The following ELP4 variants were observed in gnomAD, a reference collection of about 807,000 sequenced individuals.
ELP4 encodes the protein elongator complex protein 4.
Under a neutral mutation model 48.9 loss-of-function variants are expected in ELP4, and 51 were observed. The observed-to-expected ratio is 1.04, with a 90% CI of 0.83 to 1.32. The LOEUF is 1.32. ELP4 is among the 40% of genes most tolerant of loss of function. The pLI is 0.00. For missense variants in ELP4, 519 were observed against 514.6 expected, an observed-to-expected ratio of 1.01 and a Z score of -0.08; for synonymous variants, 210 against 189.2, an observed-to-expected ratio of 1.11 and a Z score of -0.90.
intron 2 of ELP4, among the ~76,000 whole-genome samples, chr11:31,524,710 T>A (rs1204261854): frequency 6.6e-6 from 1 of 152,248 alleles, no homozygotes; most frequent in Admixed American, 6.5e-5. Context: ...TAGTATTTCT[T>A]GTCAGTCATC....
chr11:31,630,310 C>G (rs192875271), intron 6 of ELP4, among the ~76,000 whole-genome samples: 117 of 146,624 alleles, frequency 8.0e-4, no homozygotes, highest in African/African-American at 2.9e-3. Context: ...AATTATAGAG[C>G]AACAATGTTA....
At chr11:31,555,011 T>C (rs1313905022) in intron 3 of ELP4, among the ~76,000 whole-genome samples, 2 of 152,150 alleles carry the variant, frequency 1.3e-5, no homozygotes, top group East Asian at 3.8e-4. Context: ...TATTTGCTTT[T>C]AAATAAAGCC....
intron 9 of ELP4, among the ~76,000 whole-genome samples, chr11:31,743,473 C>G (rs887251321): frequency 3.3e-5 from 5 of 152,132 alleles, no homozygotes; most frequent in African/African-American, 1.2e-4. Flanking sequence ...CACACCTACT[C>G]CAAAATTGAC....
At chr11:31,596,149 A>G (rs1957667416) in intron 4 of ELP4, among the ~76,000 whole-genome samples, 3 of 152,186 alleles carry the variant, frequency 2.0e-5, no homozygotes, top group Non-Finnish European at 2.9e-5. Flanking sequence ...TCACGCCTGT[A>G]ATCCCAGCAC....
intron 7 of ELP4, among the ~76,000 whole-genome samples, chr11:31,641,814 A>G (rs1945103866): frequency 6.6e-6 from 1 of 151,822 alleles, no homozygotes; most frequent in Non-Finnish European, 1.5e-5. Context: ...GGATTATTCT[A>G]AGCTGATTTT....
Position 31,790,287 on chromosome 11 carries a change from A to G in ELP4, c.*6763A>G, listed in dbSNP as rs913366567. The G allele has an allele frequency of 6.9e-5, 40 of 577,692 alleles. No homozygotes were observed. The highest frequency in any genetic ancestry group is 9.7e-5 in the Non-Finnish European group (36 of 372,004). 35.8% of individuals were successfully genotyped at this position (577,692 alleles called of 1,614,324 possible). The stretch of plus-strand genomic sequence containing the variant: ...AAAAAAAAATCCTCTGTTTGTTTGC[A>G]TGTTTGGAACTTTTACAATAAAGCT... On this transcript the variant is annotated 3_prime_UTR_variant, in exon 10 of 10. Transcript: ENST00000640961.
intron 9 of ELP4, among the ~76,000 whole-genome samples, chr11:31,744,979 A>G (rs1947548136): frequency 6.6e-6 from 1 of 152,190 alleles, no homozygotes; most frequent in Non-Finnish European, 1.5e-5. Flanking sequence ...ATGATTGTAT[A>G]TCTAGAAAAC....
intron 9 of ELP4, among the ~76,000 whole-genome samples, chr11:31,677,054 A>T (rs1945940215): frequency 6.6e-6 from 1 of 152,250 alleles, no homozygotes; most frequent in African/African-American, 2.4e-5. Flanking sequence ...CATGCAGTAT[A>T]GGCTTAGCTC....
intron 9 of ELP4, among the ~76,000 whole-genome samples, chr11:31,736,751 G>C (rs1274573584): frequency 1.3e-5 from 2 of 152,194 alleles, no homozygotes; most frequent in African/African-American, 4.8e-5. Context: ...GGCCATCAGA[G>C]AAATGCAAAT....
chr11:31,688,829 G>T (rs886475694), intron 9 of ELP4, among the ~76,000 whole-genome samples: 4 of 152,100 alleles, frequency 2.6e-5, no homozygotes, highest in Non-Finnish European at 5.9e-5. Flanking sequence ...AGATTAATTT[G>T]AGCCTACATA....
intron 9 of ELP4, 139 bp from the exon 10 acceptor site, chr11:31,783,254 T>C: frequency 1.4e-6 from 1 of 703,908 alleles, no homozygotes; most frequent in Non-Finnish European, 2.3e-6. Flanking sequence ...GAAGAATTGT[T>C]TTAGCAGGAA....
At chr11:31,709,461 A>G (rs1164882841) in intron 9 of ELP4, among the ~76,000 whole-genome samples, 1 of 152,082 alleles carries the variant, frequency 6.6e-6, no homozygotes, top group Non-Finnish European at 1.5e-5. Context: ...AGTATGTGGA[A>G]AGCATTGTTT....
chr11:31,715,050 G>T, intron 9 of ELP4: 1 of 363,940 alleles, frequency 2.7e-6, no homozygotes, highest in Non-Finnish European at 4.9e-6. Flanking sequence ...TTACTCATCA[G>T]TAACCACTAT....
At chr11:31,777,245 A>G (rs1410817063) in intron 9 of ELP4, among the ~76,000 whole-genome samples, 1 of 152,176 alleles carries the variant, frequency 6.6e-6, no homozygotes, top group Non-Finnish European at 1.5e-5. Flanking sequence ...ATGATGGTGA[A>G]CATAGTCTGT....
At chr11:31,565,215 C>A (rs1480547328) in intron 3 of ELP4, among the ~76,000 whole-genome samples, 7 of 151,806 alleles carry the variant, frequency 4.6e-5, no homozygotes, top group Non-Finnish European at 7.4e-5. Context: ...CCCACTTTTT[C>A]ATGGGGTTGT....
chr11:31,528,223 A>T (rs1359452634), intron 2 of ELP4, among the ~76,000 whole-genome samples: 1 of 152,018 alleles, frequency 6.6e-6, no homozygotes, highest in Non-Finnish European at 1.5e-5. Context: ...TAGACTGTAA[A>T]CTCTATAACC....
chr11:31,576,381 A>G (rs1237263559), intron 3 of ELP4, among the ~76,000 whole-genome samples: 1 of 152,210 alleles, frequency 6.6e-6, no homozygotes, highest in Non-Finnish European at 1.5e-5. Flanking sequence ...AGACAGATCA[A>G]CAAGACAGAA....
chr11:31,748,564 C>T (rs1272492993), intron 9 of ELP4, among the ~76,000 whole-genome samples: 3 of 152,004 alleles, frequency 2.0e-5, no homozygotes, highest in Admixed American at 1.3e-4. Flanking sequence ...GGTCTTATAG[C>T]ATAGATTTCT....
chr11:31,693,815 C>A (rs1946336046), intron 9 of ELP4, among the ~76,000 whole-genome samples: 1 of 152,200 alleles, frequency 6.6e-6, no homozygotes, highest in Admixed American at 6.5e-5. Context: ...ACATCTTCTC[C>A]AGCAACTGTT....
Sources: allele counts gnomAD v4.1 joint callset (sites outside exome capture counted in the v4.1 genomes callset), GRCh38; gene constraint gnomAD v4.1.1; transcripts MANE v1.5; gene names NCBI Gene and HGNC (gene_info 2026-07-23, HGNC 2026-07-21).